The following ZCCHC7 variants were observed in gnomAD, a reference collection of about 807,000 sequenced individuals.
ZCCHC7 encodes the protein zinc finger CCHC-type containing 7, also known as zinc finger CCHC domain-containing protein 7.
A neutral mutation model predicts 52.0 loss-of-function variants in ZCCHC7; 35 were observed. The ratio of observed to expected loss-of-function variants is 0.67; its 90% CI spans 0.51 to 0.89. The LOEUF is 0.89. Ranked by LOEUF, ZCCHC7 falls within the 40% of genes least tolerant of loss-of-function variation. The probability of loss-of-function intolerance (pLI) is 0.00; values close to 1 mark genes in which losing one functional copy is unlikely to be tolerated. For synonymous variants in ZCCHC7, 217 were observed against 221.5 expected, an observed-to-expected ratio of 0.98 and a Z score of 0.18; for missense variants, 574 against 649.1, an observed-to-expected ratio of 0.88 and a Z score of 1.26.
chr9:37,211,297 G>C (rs1357287463), intron 2 of ZCCHC7, among the ~76,000 whole-genome samples: 1 of 152,172 alleles, frequency 6.6e-6, no homozygotes, highest in Admixed American at 6.5e-5. Flanking sequence ...TGAAGTTTAA[G>C]TTTAGTGGGA....
At chr9:37,343,560 T>C (rs1820769833) in intron 6 of ZCCHC7, among the ~76,000 whole-genome samples, 1 of 152,244 alleles carries the variant, frequency 6.6e-6, no homozygotes. Flanking sequence ...TCATGAGAAC[T>C]ACCTGTTATT....
intron 5 of ZCCHC7, among the ~76,000 whole-genome samples, chr9:37,315,382 A>G (rs1829770609): frequency 6.6e-6 from 1 of 152,062 alleles, no homozygotes; most frequent in South Asian, 2.1e-4. Context: ...GTTTAATAGT[A>G]AGCGTGATCT....
chr9:37,322,829 A>G (rs1431930913), intron 5 of ZCCHC7, among the ~76,000 whole-genome samples: 3 of 152,030 alleles, frequency 2.0e-5, no homozygotes, highest in Non-Finnish European at 4.4e-5. Context: ...GTTTGGGCAC[A>G]TCCAAGAGTT....
chr9:37,126,684 G>C lies in ZCCHC7; in HGVS notation c.352G>C (p.Gly118Arg). 6.2e-7 allele frequency: 1 copy of C among 1,614,070 alleles called. No homozygotes were observed. The highest frequency in any genetic ancestry group is 8.5e-7 in the Non-Finnish European group (1 of 1,180,008). ...AGTTCAAGCACAAGAAAATGCCCAT[G>C]GTCTTTCTTCTTCTCTTCAATCTAA... ...VRVQAQENAH[G>R]LSSSLQSNEL... Residue 118 changes from glycine (G) to arginine (R), a missense_variant, in exon 2 of 9, where the codon GGT becomes CGT. Coordinates refer to ENST00000336755, the MANE Select transcript of ZCCHC7 (RefSeq NM_032226.3).
chr9:37,137,849 T>C (rs923070373), intron 2 of ZCCHC7, among the ~76,000 whole-genome samples: 1 of 152,240 alleles, frequency 6.6e-6, no homozygotes, highest in African/African-American at 2.4e-5. Flanking sequence ...TGGTGTTTTT[T>C]CCCCTCCTTT....
At chr9:37,269,680 G>T (rs1827308780) in intron 2 of ZCCHC7, among the ~76,000 whole-genome samples, 1 of 143,532 alleles carries the variant, frequency 7.0e-6, no homozygotes, top group Non-Finnish European at 1.5e-5. Context: ...TGATAATGTT[G>T]TTATCTTAGG....
At chr9:37,186,928 T>A (rs1822691246) in intron 2 of ZCCHC7, 2 of 316,474 alleles carry the variant, frequency 6.3e-6, no homozygotes, top group African/African-American at 2.1e-5. Flanking sequence ...TGCTTTGACT[T>A]TAAAAGGCAA....
At position 37,346,662 on chromosome 9, in the gene ZCCHC7, G is replaced by A. The variant is rs559029024; in HGVS notation, c.988-2695G>A. 5.9e-5 allele frequency among the ~76,000 whole-genome samples: 9 copies of A among 152,214 alleles called. No individual in the cohort carries two copies. In the East Asian group the frequency reaches 1.4e-3, roughly 23 times the overall value. ...TGCACTCCAGCCTGAGCGACAAAGC[G>A]AGACGCTGTCTCAAAGAAAAAACAA... On this transcript the variant is annotated intron_variant, in intron 6 of 8. Transcript: ENST00000336755.
chr9:37,188,677 CT>C (rs1405702280), intron 2 of ZCCHC7, among the ~76,000 whole-genome samples: 7 of 15,034 alleles, frequency 4.7e-4, no homozygotes, highest in African/African-American at 1.3e-3. Context: ...CTCTCCTCCC[CT>C]ATCTCACCTC....
chr9:37,141,504 A>G (rs1843225397), intron 2 of ZCCHC7, among the ~76,000 whole-genome samples: 1 of 151,852 alleles, frequency 6.6e-6, no homozygotes, highest in Admixed American at 6.6e-5. Context: ...CTGAAAAGAT[A>G]TGTTAGTGTT....
rs772267427 is a variant in ZCCHC7 at position 37,194,341 on chromosome 9, G to A, written c.610+67399G>A. Among the ~76,000 whole-genome samples, 45 of 152,286 alleles carry A rather than the reference G, an allele frequency of 3.0e-4. No individual in the cohort carries two copies. In the East Asian group the frequency reaches 4.6e-3, roughly 16 times the overall value. ...AGAGCTTACTTACATATCGTAAGTG[G>A]TAGGTCAATGTAGAGTTAAGTAGCA... is the stretch of plus-strand genomic sequence containing the variant. On this transcript the variant is annotated intron_variant, in intron 2 of 8. Coordinates refer to ENST00000336755, the MANE Select transcript of ZCCHC7 (RefSeq NM_032226.3).
In ZCCHC7 at chr9:37,357,341, G is replaced by A. The variant is rs972659805; in HGVS notation, c.*73G>A. 2.2e-6 allele frequency: 3 copies of A among 1,379,212 alleles called. No homozygotes were observed. Among genetic ancestry groups the A allele is most frequent in the African/African-American group, 1.5e-5 (1 of 68,666 alleles). The allele number at this position is 1,379,212 out of a possible 1,614,324, so 85.4% of individuals were successfully genotyped here. ...TGTGTCTATAACCTTCTGGCACTGT[G>A]TTTATTATCTATGATTAAATAAAGT... On this transcript the variant is annotated 3_prime_UTR_variant, in exon 9 of 9. Coordinates refer to ENST00000336755, the MANE Select transcript of ZCCHC7 (RefSeq NM_032226.3).
chr9:37,255,250 A>C (rs544603088), intron 2 of ZCCHC7, among the ~76,000 whole-genome samples: 1 of 152,202 alleles, frequency 6.6e-6, no homozygotes, highest in East Asian at 1.9e-4. Context: ...TCTTGTGTTG[A>C]TGTGAAATTA....
At chr9:37,134,671 A>G (rs942627229) in intron 2 of ZCCHC7, among the ~76,000 whole-genome samples, 1 of 152,066 alleles carries the variant, frequency 6.6e-6, no homozygotes, top group Non-Finnish European at 1.5e-5. Context: ...TTGTCCTTAC[A>G]TGTGTATATC....
intron 6 of ZCCHC7, among the ~76,000 whole-genome samples, chr9:37,329,202 CA>C (rs1380888479): frequency 7.3e-5 from 11 of 151,678 alleles, no homozygotes; most frequent in Admixed American, 3.3e-4. Context: ...CTAATTTAAA[CA>C]ATTCCAATCT....
intron 6 of ZCCHC7, among the ~76,000 whole-genome samples, chr9:37,344,848 A>G (rs930721847): frequency 6.6e-6 from 1 of 152,300 alleles, no homozygotes; most frequent in East Asian, 1.9e-4. Flanking sequence ...TAGGCCCTCA[A>G]TAATTATTTT....
At chr9:37,151,224 C>G (rs562785415) in intron 2 of ZCCHC7, among the ~76,000 whole-genome samples, 65 of 152,126 alleles carry the variant, frequency 4.3e-4, no homozygotes, top group African/African-American at 1.4e-3. Context: ...CCTCGGCCTC[C>G]CAAAGTGCTG....
intron 2 of ZCCHC7, among the ~76,000 whole-genome samples, chr9:37,138,899 G>T (rs1007282316): frequency 6.6e-6 from 1 of 151,788 alleles, no homozygotes; most frequent in South Asian, 2.1e-4. Context: ...GATTTATATA[G>T]ACAGTATATT....
intron 2 of ZCCHC7, among the ~76,000 whole-genome samples, chr9:37,198,993 T>A (rs1823442346): frequency 6.6e-6 from 1 of 152,228 alleles, no homozygotes. Context: ...GCTTACCACC[T>A]GTATCTTTTA....
Sources: gnomAD v4.1 joint callset for allele counts (sites outside exome capture counted in the v4.1 genomes callset) on GRCh38, gnomAD v4.1.1 for gene constraint, MANE v1.5 for transcripts, NCBI Gene and HGNC (gene_info 2026-07-23, HGNC 2026-07-21) for gene names.